HDAC9: variants seen among roughly 807,000 people sequenced by gnomAD.
The protein encoded by HDAC9 is MEF-2 interacting transcription repressor (MITR) protein.
HDAC9 carries 41 observed loss-of-function variants against 139.4 expected under a neutral mutation model. The observed-to-expected ratio is 0.29, with a 90% CI of 0.23 to 0.38. HDAC9 has a LOEUF of 0.38. Among genes scored for constraint, HDAC9 ranks in the 10% least tolerant of loss-of-function variants. The probability of loss-of-function intolerance (pLI) is 1.00; values close to 1 mark genes in which losing one functional copy is unlikely to be tolerated. For missense variants in HDAC9, 1,147 were observed against 1,297.0 expected (o/e 0.88, Z 1.78); for synonymous variants, 517 against 476.2 (o/e 1.09, Z -1.12).
intron 1 of HDAC9, among the ~76,000 whole-genome samples, chr7:18,459,987 A>G (rs1434465274): frequency 6.9e-6 from 1 of 145,724 alleles, no homozygotes; most frequent in Non-Finnish European, 1.5e-5. Context: ...CTCATCACCC[A>G]TGGCTCACTG....
chr7:18,119,123 CATG>C (rs942659951), intron 1 of HDAC9, among the ~76,000 whole-genome samples: 4 of 152,130 alleles, frequency 2.6e-5, no homozygotes, highest in Non-Finnish European at 5.9e-5. Context: ...GAGTCAAGAA[CATG>C]ATAACAAACT....
intron 2 of HDAC9, among the ~76,000 whole-genome samples, chr7:18,172,078 C>G (rs534947903): frequency 2.0e-4 from 30 of 152,190 alleles, no homozygotes; most frequent in African/African-American, 7.2e-4. Flanking sequence ...TGGTTCTGGA[C>G]TTTTTTTGGT....
chr7:18,479,551 C>T (rs1234973876), intron 1 of HDAC9, among the ~76,000 whole-genome samples: 1 of 152,106 alleles, frequency 6.6e-6, no homozygotes, highest in Non-Finnish European at 1.5e-5. Flanking sequence ...CAAATAACTC[C>T]TGAAATCTGA....
At chr7:18,529,327 A>G (rs1808065052) in intron 2 of HDAC9, among the ~76,000 whole-genome samples, 1 of 152,204 alleles carries the variant, frequency 6.6e-6, no homozygotes, top group Admixed American at 6.5e-5. Context: ...GTAAATAAAA[A>G]GATGGGCATA....
At chr7:18,212,738 T>G (rs1424186440) in intron 2 of HDAC9, among the ~76,000 whole-genome samples, 1 of 152,218 alleles carries the variant, frequency 6.6e-6, no homozygotes, top group Admixed American at 6.5e-5. Flanking sequence ...TTCCAAAGAT[T>G]AGGTTTCAGA....
At chr7:18,761,286 T>A (rs1427113785) in intron 14 of HDAC9, among the ~76,000 whole-genome samples, 4 of 152,176 alleles carry the variant, frequency 2.6e-5, no homozygotes, top group Non-Finnish European at 1.5e-5. Context: ...CAGTTTTGCC[T>A]GTGTTGAAGG....
intron 2 of HDAC9, among the ~76,000 whole-genome samples, chr7:18,550,294 C>A (rs930054141): frequency 6.6e-6 from 1 of 152,152 alleles, no homozygotes; most frequent in Non-Finnish European, 1.5e-5. Flanking sequence ...TATATTCGAT[C>A]CCATTTTTTT....
At chr7:18,406,393 T>G (rs1788005589) in intron 1 of HDAC9, among the ~76,000 whole-genome samples, 1 of 152,094 alleles carries the variant, frequency 6.6e-6, no homozygotes, top group Non-Finnish European at 1.5e-5. Flanking sequence ...TCTTTCTTTT[T>G]TTTTATTTTT....
intron 16 of HDAC9, among the ~76,000 whole-genome samples, chr7:18,787,953 G>C (rs77315067): frequency 2.0e-5 from 3 of 152,098 alleles, no homozygotes; most frequent in Non-Finnish European, 4.4e-5. Context: ...AATGTCTTTA[G>C]GTAATTGCTT....
chr7:18,823,954 G>A (rs142561563), intron 17 of HDAC9, among the ~76,000 whole-genome samples: 1 of 151,100 alleles, frequency 6.6e-6, no homozygotes, highest in Non-Finnish European at 1.5e-5. Flanking sequence ...CTGCAGCCTG[G>A]GTGACAGGGC....
chr7:18,355,297 A>G (rs1346733762), intron 1 of HDAC9, among the ~76,000 whole-genome samples: 7 of 151,302 alleles, frequency 4.6e-5, no homozygotes, highest in Non-Finnish European at 8.8e-5. Flanking sequence ...ACCACAAAGG[A>G]TGGTTTAGAG....
intron 1 of HDAC9, among the ~76,000 whole-genome samples, chr7:18,090,429 TAAAC>T (rs1327352360): frequency 6.6e-6 from 1 of 152,182 alleles, no homozygotes; most frequent in African/African-American, 2.4e-5. Context: ...ACTGCTGAAA[TAAAC>T]AAAGAAGCAC....
chr7:18,631,601 T>C (rs978199906), intron 7 of HDAC9, among the ~76,000 whole-genome samples: 16 of 152,216 alleles, frequency 1.1e-4, no homozygotes, highest in Non-Finnish European at 2.2e-4. Flanking sequence ...ATTTCATAGA[T>C]TAAAGTGTAA....
chr7:18,659,899 A>G (rs1344376760), intron 11 of HDAC9, among the ~76,000 whole-genome samples: 1 of 152,154 alleles, frequency 6.6e-6, no homozygotes, highest in African/African-American at 2.4e-5. Flanking sequence ...CAGATGTTCA[A>G]CCAAAGAGAG....
intron 1 of HDAC9, among the ~76,000 whole-genome samples, chr7:18,401,008 A>G (rs986244272): frequency 7.2e-5 from 11 of 151,894 alleles, no homozygotes; most frequent in African/African-American, 2.7e-4. Flanking sequence ...CGCTTGGGAA[A>G]CTCATCTAAA....
At chr7:18,648,069 C>G (rs1448644556) in intron 10 of HDAC9, 71 bp downstream of exon 10, 4 of 1,220,180 alleles carry the variant, frequency 3.3e-6, no homozygotes, top group Non-Finnish European at 4.6e-6. Flanking sequence ...GATAATGTCT[C>G]TTTTACTCAA....
At chr7:18,354,079 G>C (rs898178775) in intron 1 of HDAC9, among the ~76,000 whole-genome samples, 1 of 151,986 alleles carries the variant, frequency 6.6e-6, no homozygotes, top group Non-Finnish European at 1.5e-5. Context: ...TGAAAAAAAA[G>C]CACTAAAAAG....
At chr7:18,990,168 T>C (rs1476194761) in intron 25 of HDAC9, among the ~76,000 whole-genome samples, 12 of 152,280 alleles carry the variant, frequency 7.9e-5, no homozygotes, top group East Asian at 1.9e-4. Context: ...CTCTGTTTTT[T>C]CCCCATCTTT....
intron 24 of HDAC9, among the ~76,000 whole-genome samples, chr7:18,961,620 C>A (rs1783534366): frequency 6.6e-6 from 1 of 152,074 alleles, no homozygotes. Context: ...ACAATACAAA[C>A]CCTGTAAGAT....
Sources: gnomAD v4.1 joint callset for allele counts (sites outside exome capture counted in the v4.1 genomes callset) on GRCh38, gnomAD v4.1.1 for gene constraint, MANE v1.5 for transcripts, NCBI Gene and HGNC (gene_info 2026-07-23, HGNC 2026-07-21) for gene names.